PCDH15: variants seen among roughly 807,000 people sequenced by gnomAD.
PCDH15 encodes protocadherin related 15, also known as protocadherin-15.
PCDH15 carries 129 observed loss-of-function variants against 178.5 expected under a neutral mutation model. The observed-to-expected ratio is 0.72, with a 90% CI of 0.63 to 0.84. The LOEUF (loss-of-function observed/expected upper bound fraction) is 0.84. Among genes scored for constraint, PCDH15 ranks in the 40% least tolerant of loss-of-function variants. The pLI, the probability that PCDH15 is intolerant of heterozygous loss-of-function variation, is 0.00. For missense variants in PCDH15, 2,230 were observed against 2,099.9 expected (o/e 1.06, Z -1.21); for synonymous variants, 800 against 732.0 (o/e 1.09, Z -1.50).
intron 25 of PCDH15, among the ~76,000 whole-genome samples, chr10:53,918,821 T>A (rs980639439): frequency 1.3e-5 from 2 of 151,970 alleles, no homozygotes; most frequent in African/African-American, 4.8e-5. Context: ...AAATTAGTGG[T>A]TTAAAACAAC....
chr10:54,079,539 A>G, intron 16 of PCDH15, 115 bp from the exon 17 acceptor site: 1 of 932,274 alleles, frequency 1.1e-6, no homozygotes, highest in African/African-American at 1.6e-5. Flanking sequence ...CAGTAATCAC[A>G]GCTTGAGTAT....
chr10:55,317,277 C>T (rs1038798657), intron 1 of PCDH15, among the ~76,000 whole-genome samples: 7 of 152,094 alleles, frequency 4.6e-5, no homozygotes, highest in Admixed American at 1.3e-4. Context: ...TCAATAAATG[C>T]TAACAATTGT....
At chr10:54,720,175 C>T (rs190496976) in intron 1 of PCDH15, among the ~76,000 whole-genome samples, 34 of 152,054 alleles carry the variant, frequency 2.2e-4, no homozygotes, top group African/African-American at 8.0e-4. Context: ...GCCATTTGAC[C>T]AAGTAATCCC....
chr10:54,411,086 G>A (rs1327727417), intron 3 of PCDH15, among the ~76,000 whole-genome samples: 1 of 152,164 alleles, frequency 6.6e-6, no homozygotes, highest in Non-Finnish European at 1.5e-5. Flanking sequence ...ATTATGAAAA[G>A]GGAGTTATTC....
At chr10:55,484,488 T>G (rs1840255753) in intron 2 of PCDH15, among the ~76,000 whole-genome samples, 1 of 151,600 alleles carries the variant, frequency 6.6e-6, no homozygotes. Context: ...AATATACAAA[T>G]TCAATGCTAT....
At chr10:55,394,952 C>T (rs1429624746) in intron 2 of PCDH15, among the ~76,000 whole-genome samples, 6 of 152,044 alleles carry the variant, frequency 3.9e-5, no homozygotes, top group African/African-American at 1.4e-4. Flanking sequence ...AAACAAATCA[C>T]TTCCTTAAGT....
chr10:54,684,330 A>G (rs561652156), intron 1 of PCDH15, among the ~76,000 whole-genome samples: 87 of 151,984 alleles, frequency 5.7e-4, no homozygotes, highest in African/African-American at 1.9e-3. Flanking sequence ...CTAATTTTTT[A>G]AAATCATATT....
At chr10:54,760,838 T>C (rs1365563113) in intron 1 of PCDH15, among the ~76,000 whole-genome samples, 1 of 152,188 alleles carries the variant, frequency 6.6e-6, no homozygotes, top group Non-Finnish European at 1.5e-5. Context: ...CTGAGGAGTA[T>C]GGGTAAACTG....
Position 54,772,875 on chromosome 10 carries a change from T to C in PCDH15, c.-29+28050A>G, listed in dbSNP as rs187994748. On this transcript the variant is annotated intron_variant, in intron 1 of 37. Transcript: ENST00000644397. The stretch of plus-strand genomic sequence containing the variant: ...GACATTGAATCAACATAAATGACTA[T>C]CAATGATAGACTGGAGAAGGAAAAT... Among the ~76,000 whole-genome samples the C allele has an allele frequency of 5.2e-4, 79 of 152,240 alleles. 1 individual carries two copies. Among genetic ancestry groups the C allele is most frequent in the Non-Finnish European group, 1.0e-3 (69 of 68,016 alleles).
At chr10:55,572,599 G>A (rs535355498) in intron 2 of PCDH15, among the ~76,000 whole-genome samples, 6 of 152,054 alleles carry the variant, frequency 3.9e-5, no homozygotes, top group East Asian at 1.9e-4. Context: ...AACAATAAAC[G>A]AGGAAACAAG....
chr10:55,309,427 G>A (rs1044792891), intron 1 of PCDH15, among the ~76,000 whole-genome samples: 2 of 151,894 alleles, frequency 1.3e-5, no homozygotes, highest in African/African-American at 4.8e-5. Context: ...TGAGGTGGGA[G>A]GATCACTTGA....
intron 16 of PCDH15, among the ~76,000 whole-genome samples, chr10:54,082,349 GTAAA>G (rs2094447747): frequency 6.6e-6 from 1 of 152,128 alleles, no homozygotes; most frequent in Admixed American, 6.6e-5. Context: ...GAAAGTCTGG[GTAAA>G]TAGTTTCATG....
At chr10:54,462,037 G>T (rs1230878704) in intron 3 of PCDH15, among the ~76,000 whole-genome samples, 1 of 151,954 alleles carries the variant, frequency 6.6e-6, no homozygotes, top group African/African-American at 2.4e-5. Flanking sequence ...CATGTTACAT[G>T]AGTTGAGATA....
intron 1 of PCDH15, among the ~76,000 whole-genome samples, chr10:55,281,904 G>C (rs1842743107): frequency 2.0e-5 from 3 of 151,700 alleles, no homozygotes; most frequent in African/African-American, 7.3e-5. Context: ...CTATGATTTT[G>C]CTCCGAAATA....
At chr10:54,307,092 A>AAT (rs1564922594) in intron 8 of PCDH15, among the ~76,000 whole-genome samples, 2 of 18,350 alleles carry the variant, frequency 1.1e-4, no homozygotes, top group African/African-American at 4.0e-4. Flanking sequence ...ATATATATAT[A>AAT]TGTGTGTGTG....
intron 26 of PCDH15, among the ~76,000 whole-genome samples, chr10:53,900,886 T>C (rs2082291549): frequency 6.6e-6 from 1 of 152,160 alleles, no homozygotes; most frequent in Non-Finnish European, 1.5e-5. Context: ...ATCTCCTTTA[T>C]TAATGGACTA....
intron 1 of PCDH15, among the ~76,000 whole-genome samples, chr10:54,691,408 A>T (rs2095117949): frequency 6.6e-6 from 1 of 152,070 alleles, no homozygotes; most frequent in South Asian, 2.1e-4. Context: ...CTAGGAACCC[A>T]TTGTATTCCT....
At chr10:54,684,221 T>A (rs1480680311) in intron 1 of PCDH15, among the ~76,000 whole-genome samples, 1 of 151,894 alleles carries the variant, frequency 6.6e-6, no homozygotes, top group Non-Finnish European at 1.5e-5. Flanking sequence ...GTATGATTTG[T>A]AATACGAAGA....
At chr10:55,602,012 G>C (rs1843092948) in intron 2 of PCDH15, among the ~76,000 whole-genome samples, 1 of 152,060 alleles carries the variant, frequency 6.6e-6, no homozygotes, top group Non-Finnish European at 1.5e-5. Context: ...CAGACACGGC[G>C]CAGGTCAGTG....
Sources: allele counts gnomAD v4.1 joint callset (sites outside exome capture counted in the v4.1 genomes callset), GRCh38; gene constraint gnomAD v4.1.1; transcripts MANE v1.5; gene names NCBI Gene and HGNC (gene_info 2026-07-23, HGNC 2026-07-21).